The following EXOC6B variants were observed in gnomAD, a reference collection of about 807,000 sequenced individuals.
The protein encoded by EXOC6B is exocyst complex component 6B.
In EXOC6B, 54 loss-of-function variants were observed where a neutral mutation model predicts 113.5. That is an observed-to-expected ratio of 0.48 (90% CI 0.38 to 0.60). The LOEUF (loss-of-function observed/expected upper bound fraction) is 0.60. Ranked by LOEUF, EXOC6B falls within the 20% of genes least tolerant of loss-of-function variation. The pLI is 0.00. For synonymous variants in EXOC6B, 357 were observed against 339.0 expected, an observed-to-expected ratio of 1.05 and a Z score of -0.58; for missense variants, 797 against 977.5, an observed-to-expected ratio of 0.82 and a Z score of 2.46.
intron 6 of EXOC6B, among the ~76,000 whole-genome samples, chr2:72,627,723 G>C (rs1000181207): frequency 3.3e-5 from 5 of 152,232 alleles, no homozygotes; most frequent in African/African-American, 1.2e-4. Flanking sequence ...TGATCTGTGT[G>C]TCCCTGGTGC....
chr2:72,669,079 C>T (rs143708877), intron 6 of EXOC6B, among the ~76,000 whole-genome samples: 1 of 151,900 alleles, frequency 6.6e-6, no homozygotes, highest in East Asian at 1.9e-4. Context: ...ACAGCAAGAC[C>T]TTATATCAAA....
chr2:72,221,878 A>C (rs1164926796), intron 20 of EXOC6B, among the ~76,000 whole-genome samples: 1 of 152,298 alleles, frequency 6.6e-6, no homozygotes, highest in Non-Finnish European at 1.5e-5. Flanking sequence ...GAAAATCATA[A>C]ATACTCTGTG....
intron 20 of EXOC6B, among the ~76,000 whole-genome samples, chr2:72,265,013 G>A (rs1185597286): frequency 6.6e-6 from 1 of 151,898 alleles, no homozygotes; most frequent in African/African-American, 2.4e-5. Flanking sequence ...ACCTGAAAAC[G>A]TGGAAGCGAC....
chr2:72,398,255 C>T (rs762580141), intron 18 of EXOC6B, among the ~76,000 whole-genome samples: 1 of 152,076 alleles, frequency 6.6e-6, no homozygotes, highest in Non-Finnish European at 1.5e-5. Flanking sequence ...GCCTTTGGAC[C>T]CAACTAAAGC....
At chr2:72,427,354 G>A (rs1324091107) in intron 18 of EXOC6B, among the ~76,000 whole-genome samples, 1 of 152,182 alleles carries the variant, frequency 6.6e-6, no homozygotes, top group Non-Finnish European at 1.5e-5. Flanking sequence ...GGACTTGGGT[G>A]TCTCTGCACT....
chr2:72,514,077 T>C (rs1401544781), intron 10 of EXOC6B, among the ~76,000 whole-genome samples: 1 of 152,130 alleles, frequency 6.6e-6, no homozygotes, highest in Non-Finnish European at 1.5e-5. Flanking sequence ...ATATACACCC[T>C]AGATGAGGGT....
chr2:72,765,141 A>G (rs947925489), intron 1 of EXOC6B, among the ~76,000 whole-genome samples: 1 of 151,978 alleles, frequency 6.6e-6, no homozygotes, highest in Non-Finnish European at 1.5e-5. Context: ...AAAAATTTTT[A>G]AAAAATTAGC....
chr2:72,401,379 T>C (rs137919383), intron 18 of EXOC6B, among the ~76,000 whole-genome samples: 30,708 of 146,416 alleles, frequency 0.21, 6,137 homozygotes, highest in African/African-American at 0.53. Context: ...GGAGAATCAC[T>C]TGAACCCAGG....
At chr2:72,508,362 G>C (rs1257222606) in intron 11 of EXOC6B, among the ~76,000 whole-genome samples, 3 of 152,136 alleles carry the variant, frequency 2.0e-5, no homozygotes. Flanking sequence ...TTTTAGGGGT[G>C]TGGACTAGAG....
intron 18 of EXOC6B, among the ~76,000 whole-genome samples, chr2:72,398,727 TACACACACACACAC>T (rs60055732): frequency 2.2e-5 from 3 of 138,996 alleles, no homozygotes; most frequent in African/African-American, 5.3e-5. Context: ...TCTCTCTGTC[TACACACACACACAC>T]ACACACACAC....
chr2:72,179,201 C>T lies in EXOC6B; in HGVS notation c.*134G>A. Reference sequence around the variant, plus strand: ...ACTATAGGGAAATGTTATGTGAATACTGCACAGGGGTTAATAAAAAAATAC... The same window carrying T: ...ACTATAGGGAAATGTTATGTGAATATTGCACAGGGGTTAATAAAAAAATAC... On this transcript the variant is annotated 3_prime_UTR_variant, in exon 22 of 22. Coordinates refer to ENST00000272427, the MANE Select transcript of EXOC6B (RefSeq NM_015189.3). 1.0e-6 allele frequency: 1 copy of T among 991,306 alleles called. No homozygotes were observed. Among genetic ancestry groups the T allele is most frequent in the South Asian group, 1.8e-5 (1 of 54,568 alleles). The allele number at this position is 991,306 out of a possible 1,614,324, so 61.4% of individuals were successfully genotyped here. A position where few individuals can be genotyped will look rare whatever the true frequency, so the allele number is the denominator to read the frequency against.
At chr2:72,359,173 ATTG>A (rs1307802218) in intron 19 of EXOC6B, among the ~76,000 whole-genome samples, 1 of 152,086 alleles carries the variant, frequency 6.6e-6, no homozygotes, top group Non-Finnish European at 1.5e-5. Context: ...TCCTTGCTGT[ATTG>A]TTTGAATGTT....
intron 20 of EXOC6B, among the ~76,000 whole-genome samples, chr2:72,225,748 CT>C (rs140897181): frequency 0.039 from 5,875 of 152,268 alleles, 137 homozygotes; most frequent in Non-Finnish European, 0.051. Context: ...TTTTCACCCC[CT>C]ATCCCTATTC....
chr2:72,749,477 C>T (rs923240961), intron 1 of EXOC6B, among the ~76,000 whole-genome samples: 2 of 151,872 alleles, frequency 1.3e-5, no homozygotes, highest in Non-Finnish European at 2.9e-5. Context: ...AAAGTAATTG[C>T]GGTTTTGCCA....
intron 6 of EXOC6B, among the ~76,000 whole-genome samples, chr2:72,699,622 T>G (rs1678160110): frequency 6.6e-6 from 1 of 152,178 alleles, no homozygotes; most frequent in Non-Finnish European, 1.5e-5. Context: ...GCTGGACTAT[T>G]TTTTGGCATT....
At chr2:72,754,788 A>T (rs948236166) in intron 1 of EXOC6B, among the ~76,000 whole-genome samples, 9 of 150,076 alleles carry the variant, frequency 6.0e-5, no homozygotes, top group South Asian at 4.2e-4. Context: ...TAATTTTTTA[A>T]AATTTTTTTT....
chr2:72,522,247 C>A (rs1395138636), intron 8 of EXOC6B, among the ~76,000 whole-genome samples: 1 of 152,032 alleles, frequency 6.6e-6, no homozygotes, highest in Non-Finnish European at 1.5e-5. Flanking sequence ...TTACTAAATT[C>A]ATATTTAATT....
intron 18 of EXOC6B, among the ~76,000 whole-genome samples, chr2:72,425,670 A>T (rs1695163526): frequency 6.6e-6 from 1 of 152,146 alleles, no homozygotes; most frequent in Non-Finnish European, 1.5e-5. Flanking sequence ...CCAGTATTAC[A>T]TCCCCTTTTC....
chr2:72,416,196 C>G (rs1443200370), intron 18 of EXOC6B, among the ~76,000 whole-genome samples: 1 of 152,138 alleles, frequency 6.6e-6, no homozygotes, highest in Non-Finnish European at 1.5e-5. Flanking sequence ...CAAAGGAAGT[C>G]ACACAGCCAA....
Sources: gnomAD v4.1 joint callset for allele counts (sites outside exome capture counted in the v4.1 genomes callset) on GRCh38, gnomAD v4.1.1 for gene constraint, MANE v1.5 for transcripts, NCBI Gene and HGNC (gene_info 2026-07-23, HGNC 2026-07-21) for gene names.